FAT3: variants seen among roughly 807,000 people sequenced by gnomAD.
FAT3 encodes the protein protocadherin Fat 3.
Under a neutral mutation model 310.2 loss-of-function variants are expected in FAT3, and 95 were observed. The ratio of observed to expected loss-of-function variants is 0.31; its 90% CI spans 0.26 to 0.36. The LOEUF is 0.36. Ranked by LOEUF, FAT3 falls within the 10% of genes least tolerant of loss-of-function variation. The pLI is 1.00. For synonymous variants in FAT3, 2,314 were observed against 2,192.9 expected (o/e 1.06, Z -1.54); for missense variants, 5,408 against 5,715.6 (o/e 0.95, Z 1.74).
intron 4 of FAT3, among the ~76,000 whole-genome samples, chr11:92,749,369 G>A (rs1945765507): frequency 6.6e-6 from 1 of 152,062 alleles, no homozygotes; most frequent in South Asian, 2.1e-4. Context: ...CCTTGTTTGA[G>A]GCTCAAAAGC....
At chr11:92,658,956 A>C (rs1030896502) in intron 3 of FAT3, among the ~76,000 whole-genome samples, 1 of 152,056 alleles carries the variant, frequency 6.6e-6, no homozygotes, top group Non-Finnish European at 1.5e-5. Flanking sequence ...CATCATCAAT[A>C]TCAACATCAA....
At chr11:92,736,183 CCAAA>C (rs1241176774) in intron 4 of FAT3, among the ~76,000 whole-genome samples, 1 of 152,162 alleles carries the variant, frequency 6.6e-6, no homozygotes, top group Non-Finnish European at 1.5e-5. Flanking sequence ...TTCTTGGCAA[CCAAA>C]CTGTTGTGCT....
intron 1 of FAT3, among the ~76,000 whole-genome samples, chr11:92,263,706 A>C (rs1865660091): frequency 6.6e-6 from 1 of 152,010 alleles, no homozygotes; most frequent in African/African-American, 2.4e-5. Context: ...TTTAATTCAA[A>C]ATGATTAAAA....
chr11:92,459,840 A>G (rs1331773678), intron 2 of FAT3, among the ~76,000 whole-genome samples: 1 of 152,016 alleles, frequency 6.6e-6, no homozygotes, highest in Non-Finnish European at 1.5e-5. Context: ...GTTGTAGGAC[A>G]TGTATTTTTG....
chr11:92,310,236 G>A (rs1448336692), intron 1 of FAT3, among the ~76,000 whole-genome samples: 5 of 152,228 alleles, frequency 3.3e-5, no homozygotes, highest in Admixed American at 1.3e-4. Flanking sequence ...CATTTTTACC[G>A]ATTGAAAATT....
intron 3 of FAT3, among the ~76,000 whole-genome samples, chr11:92,680,114 T>C (rs556785023): frequency 1.3e-5 from 2 of 151,814 alleles, no homozygotes; most frequent in South Asian, 4.1e-4. Context: ...TGATTAAGTC[T>C]CATTTTTCTA....
At chr11:92,841,275 A>G (rs1948542689) in intron 18 of FAT3, among the ~76,000 whole-genome samples, 1 of 152,172 alleles carries the variant, frequency 6.6e-6, no homozygotes, top group Non-Finnish European at 1.5e-5. Flanking sequence ...TGCAGAGTAT[A>G]GAAGGAGCAG....
At chr11:92,717,855 C>T (rs913442979) in intron 4 of FAT3, among the ~76,000 whole-genome samples, 1 of 152,090 alleles carries the variant, frequency 6.6e-6, no homozygotes, top group Admixed American at 6.5e-5. Context: ...GAATAAAAAT[C>T]ACCAGCCATG....
chr11:92,260,970 A>G (rs1209379395), intron 1 of FAT3, among the ~76,000 whole-genome samples: 1 of 152,072 alleles, frequency 6.6e-6, no homozygotes, highest in Non-Finnish European at 1.5e-5. Context: ...ATAGCTGGGG[A>G]AAAATTGTTG....
chr11:92,681,503 C>G (rs1414324278), intron 3 of FAT3, among the ~76,000 whole-genome samples: 1 of 152,076 alleles, frequency 6.6e-6, no homozygotes, highest in Non-Finnish European at 1.5e-5. Context: ...GCAGCTGGAA[C>G]CTGGTAATAA....
At chr11:92,343,508 C>T (rs765215840) in intron 1 of FAT3, among the ~76,000 whole-genome samples, 2 of 152,072 alleles carry the variant, frequency 1.3e-5, no homozygotes, top group African/African-American at 4.8e-5. Flanking sequence ...ACTTGGCTGA[C>T]TACTTTTGGC....
At chr11:92,261,116 T>A (rs374149802) in intron 1 of FAT3, among the ~76,000 whole-genome samples, 1 of 152,096 alleles carries the variant, frequency 6.6e-6, no homozygotes, top group South Asian at 2.1e-4. Flanking sequence ...TCCCCATAAA[T>A]CATCCTAGAT....
intron 22 of FAT3, among the ~76,000 whole-genome samples, chr11:92,868,800 A>T (rs559855752): frequency 8.5e-5 from 13 of 152,206 alleles, no homozygotes; most frequent in Admixed American, 3.3e-4. Context: ...TTTTTAAAAA[A>T]ATTTCATGAA....
chr11:92,561,193 G>A (rs1161644192), intron 3 of FAT3, among the ~76,000 whole-genome samples: 1 of 151,410 alleles, frequency 6.6e-6, no homozygotes, highest in African/African-American at 2.4e-5. Flanking sequence ...ATATAGCATG[G>A]CTGATACTTT....
chr11:92,513,620 T>G (rs559424902), intron 2 of FAT3, among the ~76,000 whole-genome samples: 39 of 152,336 alleles, frequency 2.6e-4, no homozygotes, highest in African/African-American at 8.9e-4. Context: ...CCTATGAATT[T>G]ATAATTATTT....
intron 1 of FAT3, among the ~76,000 whole-genome samples, chr11:92,252,473 C>T (rs544032150): frequency 2.0e-5 from 3 of 152,100 alleles, no homozygotes; most frequent in Admixed American, 6.5e-5. Context: ...AGAGCTAGGA[C>T]CATTATGACC....
At position 92,797,902 on chromosome 11, in the gene FAT3, A is replaced by G. The variant is rs765343417; in HGVS notation, c.4889A>G (p.Asp1630Gly). 6.2e-7 allele frequency: 1 copy of G among 1,613,836 alleles called. No individual in the cohort carries two copies. Among genetic ancestry groups the G allele is most frequent in the Non-Finnish European group, 8.5e-7 (1 of 1,179,854 alleles). Residue 1630 changes from aspartate to glycine, a missense_variant, in exon 10 of 28, where the codon GAC becomes GGC. Coordinates refer to ENST00000525166, the MANE Select transcript of FAT3 (RefSeq NM_001367949.2). ...ATCATCACCATTTGCAAAGAACCAG[A>G]CATGACGACGATGGGTCAGTTTGTC... ...LGIITICKEP[D>G]MTTMGQFVLS...
intron 2 of FAT3, among the ~76,000 whole-genome samples, chr11:92,522,851 G>A (rs76243810): frequency 2.1e-3 from 313 of 152,186 alleles, no homozygotes; most frequent in African/African-American, 7.1e-3. Context: ...TGCCCACTGC[G>A]AATATGGTCT....
At chr11:92,767,154 C>T (rs929298830) in intron 6 of FAT3, among the ~76,000 whole-genome samples, 5 of 150,510 alleles carry the variant, frequency 3.3e-5, no homozygotes, top group African/African-American at 1.2e-4. Flanking sequence ...GAGGCTGAGG[C>T]AGGAGAATTG....
Sources: allele counts gnomAD v4.1 joint callset (sites outside exome capture counted in the v4.1 genomes callset), GRCh38; gene constraint gnomAD v4.1.1; transcripts MANE v1.5; gene names NCBI Gene and HGNC (gene_info 2026-07-23, HGNC 2026-07-21).